The following CERS1 variants were observed in gnomAD, a reference collection of about 807,000 sequenced individuals.
CERS1 encodes the protein Embryonic growth/differentiation factor 1.
In CERS1, 16 loss-of-function variants were observed where a neutral mutation model predicts 35.7. The observed-to-expected ratio is 0.45, with a 90% CI of 0.30 to 0.68. The LOEUF (loss-of-function observed/expected upper bound fraction) is 0.68. Ranked by LOEUF, CERS1 falls within the 30% of genes least tolerant of loss-of-function variation. CERS1 has a pLI of 0.08. For synonymous variants in CERS1, 243 were observed against 201.6 expected, an observed-to-expected ratio of 1.21 and a Z score of -1.74; for missense variants, 454 against 453.9, an observed-to-expected ratio of 1.00 and a Z score of 0.00.
chr19:18,888,889 CTTTT>C (rs756124590), intron 2 of CERS1, among the ~76,000 whole-genome samples: 13 of 122,904 alleles, frequency 1.1e-4, no homozygotes, highest in African/African-American at 3.7e-4. Context: ...TTCTTTCTTT[CTTTT>C]TTTTTTTTTT....
chr19:18,879,661 C>A (rs568196835), intron 4 of CERS1, among the ~76,000 whole-genome samples: 5 of 147,498 alleles, frequency 3.4e-5, no homozygotes, highest in Admixed American at 6.7e-5. Flanking sequence ...CCCAGTCCCT[C>A]CCCTTCTCTG....
chr19:18,881,600 T>C (rs1249234179), intron 3 of CERS1: 2 of 151,980 alleles, frequency 1.3e-5, no homozygotes, highest in Admixed American at 6.6e-5. Context: ...TGCCCGAGGG[T>C]CCTGGATTCA....
chr19:18,892,464 A>G (rs1429507444), intron 2 of CERS1, among the ~76,000 whole-genome samples: 1 of 151,902 alleles, frequency 6.6e-6, no homozygotes, highest in Non-Finnish European at 1.5e-5. Context: ...AATACAAAAA[A>G]TTAGCCGGGC....
chr19:18,896,975 G>A (rs752896225), upstream of CERS1, among the ~76,000 whole-genome samples: 11 of 152,072 alleles, frequency 7.2e-5, no homozygotes, highest in Non-Finnish European at 1.3e-4. This position sits in a 1 kb window ranked among gnomAD's most constrained non-coding sequence, Gnocchi z 5.9. Flanking sequence ...CAGAGAGGCT[G>A]CAGGAGTGGG....
intron 2 of CERS1, among the ~76,000 whole-genome samples, chr19:18,886,288 G>A (rs1047702259): frequency 5.3e-5 from 8 of 152,092 alleles, no homozygotes; most frequent in African/African-American, 1.2e-4. Flanking sequence ...AGTGGCTCAC[G>A]CCTGTAATCC....
Position 18,868,623 on chromosome 19 carries a change from CCAT to C in CERS1, c.*1359_*1361del, listed in dbSNP as rs753643819. 1 of 1,571,492 alleles carries C rather than the reference CCAT, an allele frequency of 6.4e-7. No homozygotes were observed. On this transcript the variant is annotated 3_prime_UTR_variant, in exon 8 of 8. Transcript: ENST00000623882. ...TAGCGGCAGCCGCACTCGTCCACCA[CCAT>C]GTCCTCATACTGCCGCAGCACCACG...
rs920203172 is a variant in CERS1 at position 18,895,998 on chromosome 19, G to A, written c.75C>T (p.Arg25=). 1 of 1,032,152 alleles carries A rather than the reference G, an allele frequency of 9.7e-7. No homozygotes were observed. The highest frequency in any genetic ancestry group is 3.6e-5 in the South Asian group (1 of 27,822). 63.9% of individuals were successfully genotyped at this position (1,032,152 alleles called of 1,614,324 possible). ...PMPSYAQLVQ[R]GWGSALAAAR... is the part of the protein sequence containing the mutation. The stretch of plus-strand genomic sequence containing the variant: ...CCGCCGCCAGCGCGCTGCCCCAGCC[G>A]CGCTGCACTAGCTGCGCGTAGCTCG... Residue 25 remains arginine, a synonymous_variant, in exon 1 of 8, where the codon CGC becomes CGT. Transcript: ENST00000623882. The surrounding 1 kb of genome is among the most constrained non-coding windows in gnomAD (Gnocchi z 6.4).
At position 18,896,034 on chromosome 19, in the gene CERS1, G is replaced by C; in HGVS notation, c.39C>G (p.Pro13=). The C allele has an allele frequency of 1.0e-6, 1 of 992,064 alleles. No homozygotes were observed. The highest frequency in any genetic ancestry group is 1.2e-6 in the Non-Finnish European group (1 of 835,994). The allele number at this position is 992,064 out of a possible 1,614,324, so 61.5% of individuals were successfully genotyped here. ...AAGPAAGPTG[P]EPMPSYAQLV... ...GCTGCGCGTAGCTCGGCATGGGCTC[G>C]GGCCCCGTCGGCCCCGCCGCGGGCC... Residue 13 remains proline (P), a synonymous_variant, in exon 1 of 8, where the codon CCC becomes CCG. Coordinates refer to ENST00000623882, the MANE Select transcript of CERS1 (RefSeq NM_021267.5). This position sits in a 1 kb window ranked among gnomAD's most constrained non-coding sequence, Gnocchi z 5.9.
chr19:18,869,168 A>G lies in CERS1; in HGVS notation c.*817T>C. 1 of 1,147,658 alleles carries G rather than the reference A, an allele frequency of 8.7e-7. No individual in the cohort carries two copies. The highest frequency in any genetic ancestry group is 1.1e-6 in the Non-Finnish European group (1 of 934,694). The allele number at this position is 1,147,658 out of a possible 1,614,324, so 71.1% of individuals were successfully genotyped here. A position where few individuals can be genotyped will look rare whatever the true frequency, so the allele number is the denominator to read the frequency against. ...CCCCAGGGCGGGCACCAACTGGCGG[A>G]GCAGCACCGGCCCGGGGTCCGCGCC... On this transcript the variant is annotated 3_prime_UTR_variant, in exon 8 of 8. Coordinates refer to ENST00000623882, the MANE Select transcript of CERS1 (RefSeq NM_021267.5).
At position 18,869,990 on chromosome 19, in the gene CERS1, C is replaced by G; in HGVS notation, c.*587G>C. The stretch of plus-strand genomic sequence containing the variant: ...AGCGAAAGCCCCACTCACCGCGGTC[C>G]GGGATGTGGCGCACGATGTTTCCGG... On this transcript the variant is annotated 3_prime_UTR_variant, in exon 7 of 8. Coordinates refer to ENST00000623882, the MANE Select transcript of CERS1 (RefSeq NM_021267.5). 6.3e-7 allele frequency: 1 copy of G among 1,591,438 alleles called. No homozygotes were observed. Among genetic ancestry groups the G allele is most frequent in the Non-Finnish European group, 8.5e-7 (1 of 1,170,650 alleles).
chr19:18,889,131 A>G (rs1261075991), intron 2 of CERS1, among the ~76,000 whole-genome samples: 1 of 151,838 alleles, frequency 6.6e-6, no homozygotes, highest in Non-Finnish European at 1.5e-5. Flanking sequence ...GCCTCAAGTG[A>G]TCCGCCCACC....
In CERS1 at chr19:18,884,269, TG is replaced by T; in HGVS notation, c.410-3del. The T allele has an allele frequency of 6.2e-7, 1 of 1,609,340 alleles. No homozygotes were observed. ...GCACTGCCATGCCCGGCGTCCAGTCTGGGGAGAGCCAAATCTCACAGTCAGG... is the reference window on the plus strand; with the variant it reads ...GCACTGCCATGCCCGGCGTCCAGTCTGGGAGAGCCAAATCTCACAGTCAGG... On this transcript the variant is annotated splice_polypyrimidine_tract_variant and splice_region_variant and intron_variant, in intron 2 of 7. Transcript: ENST00000623882.
At position 18,879,398 on chromosome 19, in the gene CERS1, G is replaced by C. The variant is rs992828933; in HGVS notation, c.753-10C>G. 2.6e-6 allele frequency: 4 copies of C among 1,554,918 alleles called. No individual in the cohort carries two copies. Among genetic ancestry groups the C allele is most frequent in the Non-Finnish European group, 2.6e-6 (3 of 1,149,278 alleles). ...GAGGCGGAACCAGAACCTGCGGTGG[G>C]AGGAGTCAGGAGGCCGTGGGTGGAG... On this transcript the variant is annotated splice_polypyrimidine_tract_variant and intron_variant, in intron 4 of 7. Transcript: ENST00000623882.
intron 2 of CERS1, among the ~76,000 whole-genome samples, chr19:18,892,239 G>A (rs1169470307): frequency 6.6e-6 from 1 of 151,308 alleles, no homozygotes; most frequent in East Asian, 2.0e-4. Context: ...CAAGCCGAGG[G>A]GACCCTCCCA....
chr19:18,868,974 G>T lies in CERS1; in HGVS notation c.*1011C>A. On this transcript the variant is annotated 3_prime_UTR_variant, in exon 8 of 8. Transcript: ENST00000623882. ...TCGGCGTCGCGCCGCGGCCGGGCCA[G>T]GGGGTGGCACAGGCGCGGGTCGAGG... 1 of 1,147,704 alleles carries T rather than the reference G, an allele frequency of 8.7e-7. No homozygotes were observed. The allele number at this position is 1,147,704 out of a possible 1,614,324, so 71.1% of individuals were successfully genotyped here.
At chr19:18,871,198 C>T (rs2055963519) in intron 6 of CERS1, among the ~76,000 whole-genome samples, 1 of 149,658 alleles carries the variant, frequency 6.7e-6, no homozygotes, top group Admixed American at 6.7e-5. Context: ...GCTGGGATTA[C>T]AGGGGCACGC....
At chr19:18,872,859 G>A (rs2055999635) in intron 6 of CERS1, among the ~76,000 whole-genome samples, 1 of 152,128 alleles carries the variant, frequency 6.6e-6, no homozygotes, top group African/African-American at 2.4e-5. Flanking sequence ...ACGTTGGCCA[G>A]GTTGGTCTCG....
rs181918871 is a variant in CERS1, at chr19:18,869,328, C to T, written c.*657G>A. Reference sequence around the variant, plus strand: ...GGTTCCACAGCCGACAGGTCGAAGACGACTGTCCACTCAGGGCAATGCCCC... The same window carrying T: ...GGTTCCACAGCCGACAGGTCGAAGATGACTGTCCACTCAGGGCAATGCCCC... On this transcript the variant is annotated 3_prime_UTR_variant, in exon 8 of 8. Coordinates refer to ENST00000623882, the MANE Select transcript of CERS1 (RefSeq NM_021267.5). 8.5e-4 allele frequency: 1,301 copies of T among 1,528,002 alleles called. 10 individuals are homozygous for T. The African/African-American group carries it at 0.016, about 19-fold the overall frequency. The allele number at this position is 1,528,002 out of a possible 1,614,324, so 94.7% of individuals were successfully genotyped here. A position where few individuals can be genotyped will look rare whatever the true frequency, so the allele number is the denominator to read the frequency against.
chr19:18,892,050 T>C (rs1259616346), intron 2 of CERS1, among the ~76,000 whole-genome samples: 7 of 151,956 alleles, frequency 4.6e-5, no homozygotes, highest in African/African-American at 1.7e-4. Context: ...CGCGCCACCA[T>C]GCCTGGCTAA....
Sources: gnomAD v4.1 joint callset for allele counts (sites outside exome capture counted in the v4.1 genomes callset) on GRCh38, gnomAD v4.1.1 for gene constraint, Gnocchi (gnomAD v3.1) non-coding constraint, MANE v1.5 for transcripts, NCBI Gene and HGNC (gene_info 2026-07-23, HGNC 2026-07-21) for gene names.